The following ANKIB1 variants were observed in gnomAD, a reference collection of about 807,000 sequenced individuals.
ANKIB1 encodes the protein ankyrin repeat and IBR domain containing 1.
In ANKIB1, 43 loss-of-function variants were observed where a neutral mutation model predicts 122.1. That is an observed-to-expected ratio of 0.35 (90% CI 0.28 to 0.45). The LOEUF (loss-of-function observed/expected upper bound fraction) is 0.45, where lower values mean the gene tolerates loss of function less well. ANKIB1 is among the 20% of genes least tolerant of loss of function. The pLI, the probability that ANKIB1 is intolerant of heterozygous loss-of-function variation, is 1.00. For missense variants in ANKIB1, 992 were observed against 1,329.5 expected, an observed-to-expected ratio of 0.75 and a Z score of 3.95; for synonymous variants, 390 against 442.0, an observed-to-expected ratio of 0.88 and a Z score of 1.48.
At chr7:92,310,544 T>G (rs948253524) in intron 3 of ANKIB1, among the ~76,000 whole-genome samples, 3 of 152,176 alleles carry the variant, frequency 2.0e-5, no homozygotes, top group African/African-American at 7.2e-5. Flanking sequence ...AAGCCTTATT[T>G]TGTTTTCTTG....
In ANKIB1 at chr7:92,295,104, G is replaced by A. The variant is rs1328959844; in HGVS notation, c.126G>A (p.Glu42=). 4 of 1,579,380 alleles carry A rather than the reference G, an allele frequency of 2.5e-6. No homozygotes were observed. The highest frequency in any genetic ancestry group is 3.4e-6 in the Non-Finnish European group (4 of 1,161,636). ...ESLDPNTSYG[E]PYQHNTPLHY... is the part of the protein sequence containing the mutation. ...TTGATCCAAATACATCTTATGGGGA[G>A]CCCTACCAGCACAATACTCCATTAC... The change falls in exon 2 of 20, where the codon GAG becomes GAA. Residue 42 remains glutamate (E), a synonymous_variant. Coordinates refer to ENST00000265742, the MANE Select transcript of ANKIB1 (RefSeq NM_019004.2).
chr7:92,319,671 A>AG (rs1340669502), intron 4 of ANKIB1, 159 bp downstream of exon 4: 17 of 745,124 alleles, frequency 2.3e-5, no homozygotes, highest in Non-Finnish European at 3.5e-5. Context: ...AAATACATCT[A>AG]GGCCAACCAC....
chr7:92,279,150 C>T (rs1412537613), intron 1 of ANKIB1, among the ~76,000 whole-genome samples: 1 of 152,168 alleles, frequency 6.6e-6, no homozygotes, highest in Non-Finnish European at 1.5e-5. Flanking sequence ...GAATCTAATG[C>T]TGCACTGATC....
intron 1 of ANKIB1, among the ~76,000 whole-genome samples, chr7:92,252,741 C>T (rs895442727): frequency 6.6e-6 from 1 of 152,028 alleles, no homozygotes; most frequent in Non-Finnish European, 1.5e-5. Context: ...GCTCGTCTGC[C>T]CGTATATCAT....
intron 1 of ANKIB1, among the ~76,000 whole-genome samples, chr7:92,284,990 T>G (rs539566238): frequency 6.6e-6 from 1 of 152,364 alleles, no homozygotes; most frequent in African/African-American, 2.4e-5. Flanking sequence ...GGTAATTATT[T>G]ACTTAGAACA....
At chr7:92,309,962 T>TATATATAA (rs1030276754) in intron 3 of ANKIB1, among the ~76,000 whole-genome samples, 12 of 139,428 alleles carry the variant, frequency 8.6e-5, no homozygotes, top group African/African-American at 3.2e-4. Context: ...TATATATATA[T>TATATATAA]AAATTAAATG....
intron 1 of ANKIB1, among the ~76,000 whole-genome samples, chr7:92,287,898 T>C (rs1434227760): frequency 6.6e-6 from 1 of 152,050 alleles, no homozygotes; most frequent in Non-Finnish European, 1.5e-5. Context: ...TAGCCAGGCA[T>C]GGCGGCGTGC....
chr7:92,352,390 T>A, intron 8 of ANKIB1, 86 bp from the exon 9 acceptor site: 1 of 1,355,290 alleles, frequency 7.4e-7, no homozygotes. Context: ...CTTTGCTTTA[T>A]AGTAAATTAC....
At chr7:92,387,652 G>T in intron 12 of ANKIB1, 146 bp from the exon 13 acceptor site, 1 of 606,974 alleles carries the variant, frequency 1.6e-6, no homozygotes. Flanking sequence ...AAAAAAACAA[G>T]TATTGTTTTT....
rs765567969 is a variant in ANKIB1, at chr7:92,343,187, C to T, written c.951C>T (p.Ser317=). Residue 317 remains serine, a synonymous_variant, in exon 6 of 20, where the codon TCC becomes TCT. Coordinates refer to ENST00000265742, the MANE Select transcript of ANKIB1 (RefSeq NM_019004.2). ...TPRTTRSSVT[S]PDEISLSPGD... Reference sequence around the variant, plus strand: ...GGACTACACGCTCTTCTGTCACCTCCCCAGATGAAATCAGCTTATCTCCTG... The same window carrying T: ...GGACTACACGCTCTTCTGTCACCTCTCCAGATGAAATCAGCTTATCTCCTG... The T allele has an allele frequency of 1.9e-6, 3 of 1,613,952 alleles. No individual in the cohort carries two copies. The highest frequency in any genetic ancestry group is 2.2e-5 in the South Asian group (2 of 91,078).
At chr7:92,258,706 AG>A (rs1471248611) in intron 1 of ANKIB1, among the ~76,000 whole-genome samples, 3 of 152,200 alleles carry the variant, frequency 2.0e-5, no homozygotes, top group Admixed American at 6.5e-5. Context: ...AGCTCATAAG[AG>A]AAGGTAAAAA....
At chr7:92,380,917 A>C (rs1397622509) in intron 11 of ANKIB1, among the ~76,000 whole-genome samples, 1 of 152,232 alleles carries the variant, frequency 6.6e-6, no homozygotes, top group Non-Finnish European at 1.5e-5. Context: ...TTGACAGTTG[A>C]CAGAAGTAGG....
chr7:92,380,857 G>C (rs926319997), intron 11 of ANKIB1, among the ~76,000 whole-genome samples: 1 of 152,168 alleles, frequency 6.6e-6, no homozygotes, highest in Non-Finnish European at 1.5e-5. Flanking sequence ...CTCCTCCAGA[G>C]GATTGCAGCT....
chr7:92,259,046 C>T (rs1036518575), intron 1 of ANKIB1, among the ~76,000 whole-genome samples: 1 of 152,090 alleles, frequency 6.6e-6, no homozygotes, highest in Non-Finnish European at 1.5e-5. Flanking sequence ...CTCTGCTTCC[C>T]GGGCTCCATT....
chr7:92,392,127 G>A (rs1804799323), intron 16 of ANKIB1, 114 bp from the exon 17 acceptor site: 1 of 729,860 alleles, frequency 1.4e-6, no homozygotes, highest in Admixed American at 2.8e-5. Flanking sequence ...ATCTACTTTA[G>A]TTAAGCAAGT....
rs374326305 is a variant in ANKIB1, at chr7:92,254,732, A to T, written c.-91+8213A>T. Among the ~76,000 whole-genome samples the T allele has an allele frequency of 3.2e-4, 48 of 152,220 alleles. 1 individual carries two copies. The highest frequency in any genetic ancestry group is 9.9e-4 in the African/African-American group (41 of 41,550). On this transcript the variant is annotated intron_variant, in intron 1 of 19. Coordinates refer to ENST00000265742, the MANE Select transcript of ANKIB1 (RefSeq NM_019004.2). ...TTTGATATCCTTATTATGGATATAA[A>T]CCTTTAACTTAATTTACAAATAAGT... is the stretch of plus-strand genomic sequence containing the variant.
chr7:92,346,598 A>G (rs750232242), intron 7 of ANKIB1, among the ~76,000 whole-genome samples: 1 of 152,206 alleles, frequency 6.6e-6, no homozygotes, highest in African/African-American at 2.4e-5. Flanking sequence ...CTAATTGACA[A>G]AGGTCAGAGC....
At chr7:92,379,773 G>A (rs563200290) in intron 11 of ANKIB1, among the ~76,000 whole-genome samples, 5 of 152,220 alleles carry the variant, frequency 3.3e-5, no homozygotes, top group African/African-American at 1.2e-4. Flanking sequence ...TAAACCAGGA[G>A]GTCTTTTCCA....
intron 17 of ANKIB1, among the ~76,000 whole-genome samples, chr7:92,394,051 G>T (rs894104433): frequency 6.6e-6 from 1 of 152,054 alleles, no homozygotes; most frequent in African/African-American, 2.4e-5. Context: ...AGGCAGTGCA[G>T]CTCAGTGGAA....
Sources: allele counts gnomAD v4.1 joint callset (sites outside exome capture counted in the v4.1 genomes callset), GRCh38; gene constraint gnomAD v4.1.1; transcripts MANE v1.5; gene names NCBI Gene and HGNC (gene_info 2026-07-23, HGNC 2026-07-21).